BFSP2: variants seen among roughly 807,000 people sequenced by gnomAD.
The protein encoded by BFSP2 is beaded filament structural protein 2.
In BFSP2, 38 loss-of-function variants were observed where a neutral mutation model predicts 44.9. That is an observed-to-expected ratio of 0.85 (90% CI 0.65 to 1.11). The LOEUF is 1.11. Among genes scored for constraint, BFSP2 ranks in the 50% least tolerant of loss-of-function variants. The probability of loss-of-function intolerance (pLI) is 0.00; values close to 1 mark genes in which losing one functional copy is unlikely to be tolerated. For synonymous variants in BFSP2, 197 were observed against 209.9 expected (o/e 0.94, Z 0.53); for missense variants, 525 against 533.0 (o/e 0.99, Z 0.15).
intron 4 of BFSP2, chr3:133,455,479 A>T (rs1311827208): frequency 6.6e-6 from 1 of 152,212 alleles, no homozygotes; most frequent in African/African-American, 2.4e-5. Context: ...GGGCCAACAG[A>T]AAAGCATTAC....
chr3:133,421,147 C>T (rs960633355), intron 1 of BFSP2, among the ~76,000 whole-genome samples: 11 of 152,144 alleles, frequency 7.2e-5, no homozygotes, highest in South Asian at 2.1e-4. Context: ...CCCAGGATGG[C>T]GGCCAGCACA....
At chr3:133,409,532 A>G (rs983740615) in intron 1 of BFSP2, among the ~76,000 whole-genome samples, 2 of 152,188 alleles carry the variant, frequency 1.3e-5, no homozygotes, top group African/African-American at 4.8e-5. Context: ...GGTCTCTAAC[A>G]ACCATCTTTC....
chr3:133,435,003 G>A (rs1409366296), intron 1 of BFSP2, among the ~76,000 whole-genome samples: 1 of 152,196 alleles, frequency 6.6e-6, no homozygotes, highest in Non-Finnish European at 1.5e-5. Flanking sequence ...TGAGGGCCTT[G>A]GGAATTTAGC....
chr3:133,469,956 G>A (rs1052945856), intron 5 of BFSP2, among the ~76,000 whole-genome samples: 8 of 152,200 alleles, frequency 5.3e-5, no homozygotes, highest in Admixed American at 1.3e-4. Context: ...TCTGTGAAGC[G>A]TGTTCCCAAA....
intron 1 of BFSP2, chr3:133,404,900 A>G (rs1398870510): frequency 6.6e-6 from 1 of 152,252 alleles, no homozygotes; most frequent in Non-Finnish European, 1.5e-5. Context: ...ACGGACAGAA[A>G]AACCCCAGGT....
At chr3:133,439,281 C>T (rs905199358) in intron 1 of BFSP2, among the ~76,000 whole-genome samples, 4 of 152,198 alleles carry the variant, frequency 2.6e-5, no homozygotes, top group South Asian at 4.1e-4. Context: ...TGTTCTGTAC[C>T]TCTATTTTCT....
At chr3:133,423,618 G>T (rs950596316) in intron 1 of BFSP2, among the ~76,000 whole-genome samples, 1 of 152,174 alleles carries the variant, frequency 6.6e-6, no homozygotes. Flanking sequence ...GGATGGTCCC[G>T]CTGACTCAGG....
intron 1 of BFSP2, chr3:133,410,239 C>G (rs1252449997): frequency 3.0e-6 from 1 of 332,512 alleles, no homozygotes; most frequent in Non-Finnish European, 5.9e-6. Flanking sequence ...AGTAGGACCT[C>G]TGCACCCAGC....
rs375333927 is a variant in BFSP2, at chr3:133,415,949, G to A, written c.489+15377G>A. The stretch of plus-strand genomic sequence containing the variant: ...CAGCCCTGCCATCTCCCCTCTACTC[G>A]CCTGACCTCTCCCCTCTGCTCACCC... On this transcript the variant is annotated intron_variant, in intron 1 of 6. Transcript: ENST00000302334. Among the ~76,000 whole-genome samples the A allele has an allele frequency of 2.6e-4, 20 of 78,136 alleles. No homozygotes were observed. In the East Asian group the frequency reaches 3.6e-3, roughly 14 times the overall value. The allele number at this position is 78,136 out of a possible 152,430, so 51.3% of individuals were successfully genotyped here. A position where few individuals can be genotyped will look rare whatever the true frequency, so the allele number is the denominator to read the frequency against.
intron 1 of BFSP2, among the ~76,000 whole-genome samples, chr3:133,406,407 T>C (rs2073405010): frequency 6.6e-6 from 1 of 152,198 alleles, no homozygotes; most frequent in South Asian, 2.1e-4. Flanking sequence ...ACTCGGCCAC[T>C]CTTAAACCTC....
intron 1 of BFSP2, among the ~76,000 whole-genome samples, chr3:133,401,581 G>A (rs1386222166): frequency 6.6e-6 from 1 of 152,090 alleles, no homozygotes; most frequent in Non-Finnish European, 1.5e-5. Flanking sequence ...GCAGCCTGTA[G>A]TTCTAATGCT....
Position 133,466,970 on chromosome 3 carries a change from C to G in BFSP2, c.1023+11C>G, listed in dbSNP as rs2074116771. On this transcript the variant is annotated intron_variant, in intron 5 of 6. Coordinates refer to ENST00000302334, the MANE Select transcript of BFSP2 (RefSeq NM_003571.4). The stretch of plus-strand genomic sequence containing the variant: ...TCCTTACGTGCCCTGGTAAGTGGGC[C>G]AAGGAAAGACCTGGTGTCCTTGTGC... The G allele has an allele frequency of 6.2e-7, 1 of 1,613,646 alleles. No individual in the cohort carries two copies. The highest frequency in any genetic ancestry group is 1.3e-5 in the African/African-American group (1 of 74,856).
intron 1 of BFSP2, among the ~76,000 whole-genome samples, chr3:133,413,660 T>G (rs947264618): frequency 5.3e-5 from 8 of 152,034 alleles, no homozygotes; most frequent in African/African-American, 1.7e-4. Context: ...TTGATCTGGT[T>G]GTAAACGAGC....
chr3:133,428,744 G>A (rs568115822), intron 1 of BFSP2, among the ~76,000 whole-genome samples: 3 of 152,198 alleles, frequency 2.0e-5, no homozygotes, highest in Non-Finnish European at 2.9e-5. Context: ...CTGGGACTGC[G>A]TCCACATGAC....
intron 5 of BFSP2, among the ~76,000 whole-genome samples, chr3:133,469,353 C>G (rs531518055): frequency 6.6e-6 from 1 of 152,226 alleles, no homozygotes; most frequent in African/African-American, 2.4e-5. Context: ...ACACACAAGG[C>G]CCCCGCAGCT....
intron 1 of BFSP2, among the ~76,000 whole-genome samples, chr3:133,425,045 G>A (rs905774524): frequency 3.3e-5 from 5 of 152,192 alleles, no homozygotes; most frequent in Admixed American, 6.5e-5. Context: ...CTACTGTCAC[G>A]TGTAAATACA....
At position 133,447,329 on chromosome 3, in the gene BFSP2, G is replaced by A; in HGVS notation, c.502G>A (p.Val168Ile). 6.2e-7 allele frequency: 1 copy of A among 1,614,056 alleles called. No homozygotes were observed. Among genetic ancestry groups the A allele is most frequent in the South Asian group, 1.1e-5 (1 of 91,072 alleles). ...GTGATCGCTCTAGGTGGGTGAGGCA[G>A]TCTTGGAAAATGCCCGGCTCATGCT... ...ASSCQQVGEAVLENARLMLQT... is the reference protein window; with the variant it reads ...ASSCQQVGEAILENARLMLQT... Residue 168 changes from valine to isoleucine, a missense_variant, in exon 2 of 7, where the codon GTC becomes ATC. Transcript: ENST00000302334.
At chr3:133,429,018 T>C (rs1393388236) in intron 1 of BFSP2, among the ~76,000 whole-genome samples, 1 of 98,604 alleles carries the variant, frequency 1.0e-5, no homozygotes, top group East Asian at 5.2e-4. Flanking sequence ...TCAGTGTTAT[T>C]TGTTAAAAAA....
chr3:133,465,812 A>G (rs1010428734), intron 4 of BFSP2, among the ~76,000 whole-genome samples: 10 of 152,216 alleles, frequency 6.6e-5, no homozygotes. Flanking sequence ...TTAAAAATAT[A>G]TACCCTTTCT....
Sources: allele counts gnomAD v4.1 joint callset (sites outside exome capture counted in the v4.1 genomes callset), GRCh38; gene constraint gnomAD v4.1.1; transcripts MANE v1.5; gene names NCBI Gene and HGNC (gene_info 2026-07-23, HGNC 2026-07-21).